RABGAP1L: variants seen among roughly 807,000 people sequenced by gnomAD.
RABGAP1L encodes the protein rab GTPase-activating protein 1-like.
Under a neutral mutation model 137.7 loss-of-function variants are expected in RABGAP1L, and 63 were observed. That is an observed-to-expected ratio of 0.46 (90% CI 0.37 to 0.56). The LOEUF is 0.56. Among genes scored for constraint, RABGAP1L ranks in the 20% least tolerant of loss-of-function variants. RABGAP1L has a pLI of 0.00. For missense variants in RABGAP1L, 1,095 were observed against 1,244.0 expected, an observed-to-expected ratio of 0.88 and a Z score of 1.80; for synonymous variants, 431 against 433.7, an observed-to-expected ratio of 0.99 and a Z score of 0.08.
At chr1:174,352,872 A>G (rs1216677154) in intron 11 of RABGAP1L, among the ~76,000 whole-genome samples, 1 of 152,186 alleles carries the variant, frequency 6.6e-6, no homozygotes, top group Admixed American at 6.5e-5. Context: ...AAGATCCAGG[A>G]AAATTCTTTG....
intron 13 of RABGAP1L, among the ~76,000 whole-genome samples, chr1:174,516,734 G>T (rs1356039990): frequency 6.6e-6 from 1 of 152,012 alleles, no homozygotes; most frequent in East Asian, 1.9e-4. Context: ...GCTTAGCAAG[G>T]TTTAATAACT....
chr1:174,308,283 G>A (rs1192746051), intron 11 of RABGAP1L, among the ~76,000 whole-genome samples: 1 of 151,828 alleles, frequency 6.6e-6, no homozygotes, highest in Admixed American at 6.6e-5. Flanking sequence ...ATGCATATAT[G>A]TTATGAGATG....
chr1:174,683,694 G>A, intron 15 of RABGAP1L, 98 bp downstream of exon 15: 1 of 914,740 alleles, frequency 1.1e-6, no homozygotes, highest in Admixed American at 2.2e-5. Context: ...TTTATCTGAT[G>A]GAGATTACAT....
intron 14 of RABGAP1L, among the ~76,000 whole-genome samples, chr1:174,651,798 G>A (rs1411058213): frequency 1.3e-5 from 2 of 152,172 alleles, no homozygotes; most frequent in African/African-American, 4.8e-5. Context: ...CAATTTGCAA[G>A]TCTGTGTCTT....
chr1:174,433,083 C>T (rs138132226), intron 13 of RABGAP1L, among the ~76,000 whole-genome samples: 1 of 152,144 alleles, frequency 6.6e-6, no homozygotes, highest in African/African-American at 2.4e-5. Context: ...GTTTTCATAA[C>T]CAACTTTTAA....
At chr1:174,785,147 C>T (rs1687359933) in intron 18 of RABGAP1L, among the ~76,000 whole-genome samples, 1 of 152,182 alleles carries the variant, frequency 6.6e-6, no homozygotes. Flanking sequence ...TCACTGCAAC[C>T]TCTGCCTGCC....
chr1:174,873,650 A>G (rs1469967560), intron 19 of RABGAP1L, among the ~76,000 whole-genome samples: 1 of 151,250 alleles, frequency 6.6e-6, no homozygotes, highest in East Asian at 2.0e-4. Flanking sequence ...AGCTGGGTCT[A>G]CAGGCGCGCG....
intron 13 of RABGAP1L, among the ~76,000 whole-genome samples, chr1:174,456,856 C>T (rs1415335134): frequency 6.6e-6 from 1 of 152,040 alleles, no homozygotes; most frequent in African/African-American, 2.4e-5. Context: ...CTTATTTAAA[C>T]AGTTTGTAGG....
At chr1:174,463,884 T>C (rs1338801943) in intron 13 of RABGAP1L, among the ~76,000 whole-genome samples, 1 of 152,064 alleles carries the variant, frequency 6.6e-6, no homozygotes, top group Non-Finnish European at 1.5e-5. Flanking sequence ...AAGTGCTTAT[T>C]TTATAACATC....
chr1:174,763,159 G>A (rs1352136623), intron 18 of RABGAP1L, among the ~76,000 whole-genome samples: 1 of 151,910 alleles, frequency 6.6e-6, no homozygotes, highest in African/African-American at 2.4e-5. Context: ...CTTGTCCCCA[G>A]TATTTAGCTT....
chr1:174,367,492 C>G (rs900350650), intron 11 of RABGAP1L: 3 of 191,896 alleles, frequency 1.6e-5, no homozygotes, highest in African/African-American at 7.2e-5. Flanking sequence ...GAAAAGTTAC[C>G]TGTGAAGTGT....
chr1:174,893,927 G>A (rs1329820834), intron 19 of RABGAP1L, among the ~76,000 whole-genome samples: 4 of 152,134 alleles, frequency 2.6e-5, no homozygotes, highest in African/African-American at 9.7e-5. Flanking sequence ...CATGCATCCT[G>A]CTGCTAGGGA....
At chr1:174,370,046 G>A (rs1684975977) in intron 11 of RABGAP1L, among the ~76,000 whole-genome samples, 1 of 152,130 alleles carries the variant, frequency 6.6e-6, no homozygotes, top group African/African-American at 2.4e-5. Context: ...ATTGGATTTT[G>A]TGGTATGCTA....
At chr1:174,529,637 C>A (rs1055656745) in intron 13 of RABGAP1L, among the ~76,000 whole-genome samples, 1 of 152,032 alleles carries the variant, frequency 6.6e-6, no homozygotes, top group Non-Finnish European at 1.5e-5. Context: ...GGTGACTTAC[C>A]CAGGTGTTGA....
intron 19 of RABGAP1L, among the ~76,000 whole-genome samples, chr1:174,890,832 A>G (rs191765192): frequency 3.3e-4 from 50 of 152,256 alleles, no homozygotes; most frequent in African/African-American, 1.1e-3. Context: ...TGAAAGCTAC[A>G]TAGTATTTCA....
intron 11 of RABGAP1L, among the ~76,000 whole-genome samples, chr1:174,341,255 T>G (rs1382496831): frequency 6.6e-6 from 1 of 152,236 alleles, no homozygotes; most frequent in Non-Finnish European, 1.5e-5. Context: ...AACTTCAGTG[T>G]GATAAGTGCC....
chr1:174,321,157 A>C (rs1055062017), intron 11 of RABGAP1L, among the ~76,000 whole-genome samples: 1 of 152,174 alleles, frequency 6.6e-6, no homozygotes, highest in Non-Finnish European at 1.5e-5. Flanking sequence ...CAGGCCTATT[A>C]GGATGAGGAA....
At chr1:174,355,318 A>G (rs1218208536) in intron 11 of RABGAP1L, among the ~76,000 whole-genome samples, 10 of 152,040 alleles carry the variant, frequency 6.6e-5, no homozygotes, top group African/African-American at 4.8e-5. Context: ...TTGTAGGGAC[A>G]TGGATGAAAC....
chr1:174,778,936 C>T (rs976365655), intron 18 of RABGAP1L, among the ~76,000 whole-genome samples: 20 of 152,080 alleles, frequency 1.3e-4, no homozygotes, highest in African/African-American at 4.3e-4. Flanking sequence ...TTGGAGAAGT[C>T]GTAAATACAC....
Sources: gnomAD v4.1 joint callset for allele counts (sites outside exome capture counted in the v4.1 genomes callset) on GRCh38, gnomAD v4.1.1 for gene constraint, MANE v1.5 for transcripts, NCBI Gene and HGNC (gene_info 2026-07-23, HGNC 2026-07-21) for gene names.